ENPP2: variants seen among roughly 807,000 people sequenced by gnomAD.
ENPP2 encodes ectonucleotide pyrophosphatase/phosphodiesterase 2, also known as autotaxin.
A neutral mutation model predicts 120.2 loss-of-function variants in ENPP2; 51 were observed. The ratio of observed to expected loss-of-function variants is 0.42; its 90% CI spans 0.34 to 0.54. The LOEUF (loss-of-function observed/expected upper bound fraction) is 0.54, where lower values mean the gene tolerates loss of function less well. Ranked by LOEUF, ENPP2 falls within the 20% of genes least tolerant of loss-of-function variation. The probability of loss-of-function intolerance (pLI) is 0.04; values close to 1 mark genes in which losing one functional copy is unlikely to be tolerated. For missense variants in ENPP2, 920 were observed against 1,066.5 expected, an observed-to-expected ratio of 0.86 and a Z score of 1.91; for synonymous variants, 365 against 366.4, an observed-to-expected ratio of 1.00 and a Z score of 0.04.
chr8:119,599,937 G>A (rs1423205937), intron 11 of ENPP2, among the ~76,000 whole-genome samples: 4 of 151,410 alleles, frequency 2.6e-5, no homozygotes, highest in South Asian at 2.1e-4. Flanking sequence ...AACCTGGGAG[G>A]TGGAGGTTGC....
At chr8:119,594,084 A>C (rs774008723) in intron 11 of ENPP2, among the ~76,000 whole-genome samples, 12 of 152,198 alleles carry the variant, frequency 7.9e-5, no homozygotes, top group Non-Finnish European at 1.5e-4. Context: ...CAATCCCTTT[A>C]AAGATTCTTT....
At chr8:119,583,888 A>T in intron 16 of ENPP2, 74 bp downstream of exon 16, 1 of 1,364,672 alleles carries the variant, frequency 7.3e-7, no homozygotes. Context: ...GTACAACTTC[A>T]CTCACACCAC....
intron 24 of ENPP2, among the ~76,000 whole-genome samples, chr8:119,559,654 T>G (rs1813756893): frequency 1.3e-5 from 2 of 152,202 alleles, no homozygotes. Context: ...GATGCAAAAC[T>G]AAGACAATTC....
intron 1 of ENPP2, among the ~76,000 whole-genome samples, chr8:119,655,921 G>A (rs1563776175): frequency 6.6e-6 from 1 of 152,172 alleles, no homozygotes; most frequent in Non-Finnish European, 1.5e-5. Context: ...AATCTCTCAA[G>A]TGAGGGGCAG....
At chr8:119,627,865 AATATATATAT>A (rs59289320) in intron 2 of ENPP2, among the ~76,000 whole-genome samples, 2 of 143,554 alleles carry the variant, frequency 1.4e-5, no homozygotes, top group African/African-American at 5.1e-5. Flanking sequence ...CCGTCTTAAA[AATATATATAT>A]ATATATATAT....
intron 1 of ENPP2, among the ~76,000 whole-genome samples, chr8:119,654,106 A>T (rs1047946306): frequency 6.9e-6 from 1 of 144,188 alleles, no homozygotes; most frequent in Non-Finnish European, 1.5e-5. Context: ...TCTATATAAC[A>T]TGTACAGAGA....
chr8:119,558,091 TC>T (rs1239387330), intron 24 of ENPP2, among the ~76,000 whole-genome samples: 1 of 152,204 alleles, frequency 6.6e-6, no homozygotes, highest in Non-Finnish European at 1.5e-5. Flanking sequence ...TGCTTCTGCT[TC>T]CCAAGGAAAG....
At position 119,638,815 on chromosome 8, in the gene ENPP2, T is replaced by A; in HGVS notation, c.-35A>T. On this transcript the variant is annotated 5_prime_UTR_variant, in exon 1 of 25. Coordinates refer to ENST00000075322, the MANE Select transcript of ENPP2 (RefSeq NM_001040092.3). ...TCTTGGAAAGCCTTTTGCAGCGTGT[T>A]CTCTTTGCCTTCACGGAGTGCACTG... 1.2e-6 allele frequency: 2 copies of A among 1,613,800 alleles called. No homozygotes were observed. Among genetic ancestry groups the A allele is most frequent in the Non-Finnish European group, 1.7e-6 (2 of 1,179,706 alleles).
chr8:119,653,413 C>T (rs752442035), intron 1 of ENPP2, among the ~76,000 whole-genome samples: 6 of 152,100 alleles, frequency 3.9e-5, no homozygotes, highest in African/African-American at 9.7e-5. Context: ...AGAGGAGTAA[C>T]GAGTGGAGCT....
rs371912304 is a variant in ENPP2 at position 119,617,414 on chromosome 8, G to C, written c.577+52C>G. ...CTCAAAGCCCACAGCCCACTGGTTA[G>C]TGTGGAGATCCTAGATTACAGATAA... On this transcript the variant is annotated intron_variant, in intron 6 of 24. Coordinates refer to ENST00000075322, the MANE Select transcript of ENPP2 (RefSeq NM_001040092.3). The C allele has an allele frequency of 5.4e-5, 70 of 1,303,734 alleles. 1 individual carries two copies. The African/African-American group carries it at 9.5e-4, about 18-fold the overall frequency. 80.8% of individuals were successfully genotyped at this position (1,303,734 alleles called of 1,614,324 possible).
intron 9 of ENPP2, among the ~76,000 whole-genome samples, chr8:119,605,117 G>T (rs1317450915): frequency 6.6e-6 from 1 of 152,042 alleles, no homozygotes; most frequent in Non-Finnish European, 1.5e-5. Context: ...TGTTGCCCAG[G>T]CTGGGGTGCA....
chr8:119,656,989 A>C (rs943750647), intron 1 of ENPP2, among the ~76,000 whole-genome samples: 2 of 152,086 alleles, frequency 1.3e-5, no homozygotes, highest in East Asian at 3.9e-4. Flanking sequence ...GTGCAATGGC[A>C]CTATCTTGGC....
chr8:119,629,801 A>T (rs1459416115), intron 2 of ENPP2, among the ~76,000 whole-genome samples: 7 of 152,214 alleles, frequency 4.6e-5, no homozygotes, highest in Admixed American at 4.6e-4. Context: ...ACAAAAAAAA[A>T]ATTACAAAAC....
intron 9 of ENPP2, among the ~76,000 whole-genome samples, chr8:119,605,766 C>T (rs4870862): frequency 0.073 from 11,089 of 151,892 alleles, 508 homozygotes; most frequent in South Asian, 0.16. Context: ...CATACCCAGC[C>T]GAAGATACTG....
intron 1 of ENPP2, among the ~76,000 whole-genome samples, chr8:119,647,050 T>G (rs1372745997): frequency 6.7e-6 from 1 of 150,334 alleles, no homozygotes; most frequent in East Asian, 2.0e-4. Context: ...CAGGCTGGAG[T>G]GCAGTGGCAC....
At chr8:119,593,881 A>G (rs1203299917) in intron 11 of ENPP2, 21 bp from the exon 12 acceptor site, 3 of 1,327,412 alleles carry the variant, frequency 2.3e-6, no homozygotes, top group Middle Eastern at 1.8e-4. Flanking sequence ...GAAGCAAGTT[A>G]GTCCCCACAG....
intron 18 of ENPP2, among the ~76,000 whole-genome samples, chr8:119,582,198 T>C (rs2130311207): frequency 6.6e-6 from 1 of 152,380 alleles, no homozygotes; most frequent in African/African-American, 2.4e-5. Flanking sequence ...TTTCATGGTC[T>C]ATACCTGTGC....
In ENPP2 at chr8:119,620,967, C is replaced by T. The variant is rs190704313; in HGVS notation, c.418+427G>A. ...TTTCAGAGCAAGCAATAGAGGGAGGCGAGGCTAACTGAGAGCATGTCCTCA... is the reference window on the plus strand; with the variant it reads ...TTTCAGAGCAAGCAATAGAGGGAGGTGAGGCTAACTGAGAGCATGTCCTCA... On this transcript the variant is annotated intron_variant, in intron 4 of 24. Coordinates refer to ENST00000075322, the MANE Select transcript of ENPP2 (RefSeq NM_001040092.3). 1.4e-3 allele frequency among the ~76,000 whole-genome samples: 210 copies of T among 152,234 alleles called. 2 individuals carry two copies. The highest frequency in any genetic ancestry group is 4.8e-3 in the African/African-American group (199 of 41,542).
intron 19 of ENPP2, 29 bp from the exon 20 acceptor site, chr8:119,570,870 A>G (rs977658180): frequency 1.4e-6 from 2 of 1,449,656 alleles, no homozygotes; most frequent in Non-Finnish European, 1.8e-6. Context: ...AAACTGTGTT[A>G]GGTGCATATT....
Sources: allele counts gnomAD v4.1 joint callset (sites outside exome capture counted in the v4.1 genomes callset), GRCh38; gene constraint gnomAD v4.1.1; transcripts MANE v1.5; gene names NCBI Gene and HGNC (gene_info 2026-07-23, HGNC 2026-07-21).